Variants in EFCAB5 observed in about 807,000 individuals in gnomAD.
EFCAB5 encodes the protein EF-hand calcium-binding domain-containing protein 5.
EFCAB5 carries 131 observed loss-of-function variants against 167.9 expected under a neutral mutation model. That is an observed-to-expected ratio of 0.78 (90% CI 0.68 to 0.90). EFCAB5 has a LOEUF of 0.90. Among genes scored for constraint, EFCAB5 ranks in the 40% least tolerant of loss-of-function variants. EFCAB5 has a pLI of 0.00. For missense variants in EFCAB5, 1,663 were observed against 1,745.2 expected (o/e 0.95, Z 0.84); for synonymous variants, 574 against 602.8 (o/e 0.95, Z 0.70).
Position 29,969,174 on chromosome 17 carries a change from C to G in EFCAB5, c.574C>G (p.Gln192Glu). Residue 192 changes from glutamine (Q) to glutamate (E), a missense_variant, in exon 4 of 23, where the codon CAA becomes GAA. By Grantham distance (29) the Gln-to-Glu change is conservative (BLOSUM62 2). Transcript: ENST00000394835. ...TCCTGGAGTAGAAAACATGTTAACT[C>G]AAGTAGAAAAGAAGAAGGTTTTGAC... Reference protein sequence around the residue: ...LVPGVENMLTQVEKKKVLTEA... With the variant: ...LVPGVENMLTEVEKKKVLTEA... 1.2e-6 allele frequency: 2 copies of G among 1,613,534 alleles called. No individual in the cohort carries two copies. Among genetic ancestry groups the G allele is most frequent in the Non-Finnish European group, 1.7e-6 (2 of 1,179,816 alleles).
intron 7 of EFCAB5, among the ~76,000 whole-genome samples, chr17:30,026,634 T>C (rs1363111231): frequency 6.6e-6 from 1 of 152,194 alleles, no homozygotes; most frequent in African/African-American, 2.4e-5. Flanking sequence ...TTCCTCTCAT[T>C]TTATTGTTCT....
rs1028412162 is a variant in EFCAB5 at position 30,025,057 on chromosome 17, G to T, written c.1045-9173G>T. On this transcript the variant is annotated intron_variant, in intron 7 of 22. Coordinates refer to ENST00000394835, the MANE Select transcript of EFCAB5 (RefSeq NM_198529.4). The stretch of plus-strand genomic sequence containing the variant: ...TTCAAGACGGATTAAAGACTTAAAC[G>T]TTAGACCTAAAACCATAAAAACCCT... Among the ~76,000 whole-genome samples, 157 of 152,074 alleles carry T rather than the reference G, an allele frequency of 1.0e-3. 3 individuals are homozygous for T. In the East Asian group the frequency reaches 0.026, roughly 25 times the overall value.
chr17:30,084,330 C>T (rs2071045067), intron 18 of EFCAB5, among the ~76,000 whole-genome samples: 1 of 152,096 alleles, frequency 6.6e-6, no homozygotes, highest in Admixed American at 6.5e-5. Flanking sequence ...CCCTTCAAAG[C>T]ACATGGGGCC....
At chr17:29,941,182 T>C (rs2067293405), upstream of EFCAB5, among the ~76,000 whole-genome samples, 1 of 152,160 alleles carries the variant, frequency 6.6e-6, no homozygotes, top group Non-Finnish European at 1.5e-5. Flanking sequence ...AGCTCATATA[T>C]ATACAAACTC....
chr17:30,020,944 A>G (rs1373654133), intron 7 of EFCAB5, among the ~76,000 whole-genome samples: 1 of 151,526 alleles, frequency 6.6e-6, no homozygotes, highest in African/African-American at 2.4e-5. Context: ...AAATTATTGT[A>G]TCAGCATGTC....
rs926312122 is a variant in EFCAB5, at chr17:30,006,483, A to AT, written c.1044+6513dup. 8.5e-5 allele frequency among the ~76,000 whole-genome samples: 13 copies of AT among 152,258 alleles called. No homozygotes were observed. In the South Asian group the frequency reaches 1.7e-3, roughly 19 times the overall value. On this transcript the variant is annotated intron_variant, in intron 7 of 22. Coordinates refer to ENST00000394835, the MANE Select transcript of EFCAB5 (RefSeq NM_198529.4). ...TAATAGAAGGTGAGAATCTAACTTA[A>AT]TTTTTTCCCCCTAAAATGGCTAGCA... is the stretch of plus-strand genomic sequence containing the variant.
intron 2 of EFCAB5, among the ~76,000 whole-genome samples, 169 bp downstream of exon 2, chr17:29,942,471 C>T (rs1008091986): frequency 1.3e-5 from 2 of 152,096 alleles, no homozygotes; most frequent in Non-Finnish European, 2.9e-5. Context: ...GAGTAAGTTG[C>T]AGGAAACTTC....
At chr17:29,953,685 C>G (rs2067556605) in intron 3 of EFCAB5, among the ~76,000 whole-genome samples, 1 of 152,218 alleles carries the variant, frequency 6.6e-6, no homozygotes. Flanking sequence ...CAGACTAATA[C>G]AGTAAATTGG....
At chr17:29,944,617 G>GTTTT (rs1223652580) in intron 3 of EFCAB5, among the ~76,000 whole-genome samples, 4 of 139,458 alleles carry the variant, frequency 2.9e-5, no homozygotes, top group African/African-American at 8.2e-5. Flanking sequence ...GTTGTTTTCT[G>GTTTT]TTTTGTTTTG....
chr17:30,029,089 A>G (rs987122344), intron 7 of EFCAB5, among the ~76,000 whole-genome samples: 2 of 152,150 alleles, frequency 1.3e-5, no homozygotes, highest in African/African-American at 4.8e-5. Flanking sequence ...CATTTTTATT[A>G]TTACTAGATA....
intron 3 of EFCAB5, among the ~76,000 whole-genome samples, chr17:29,947,074 T>A: frequency 6.6e-6 from 1 of 150,816 alleles, no homozygotes; most frequent in East Asian, 2.0e-4. Flanking sequence ...CTTGGGAGGC[T>A]GAGGCAGGAG....
intron 2 of EFCAB5, 34 bp from the exon 3 acceptor site, chr17:29,943,531 A>T: frequency 6.6e-7 from 1 of 1,517,288 alleles, no homozygotes; most frequent in Non-Finnish European, 8.9e-7. Context: ...ATCAAGTCAC[A>T]TTGAAATTGG....
chr17:30,082,919 A>G lies in EFCAB5; in HGVS notation c.3455A>G (p.Tyr1152Cys), dbSNP rs1597784424. The G allele has an allele frequency of 1.2e-6, 2 of 1,613,926 alleles. No homozygotes were observed. The highest frequency in any genetic ancestry group is 8.5e-7 in the Non-Finnish European group (1 of 1,179,860). The change falls in exon 18 of 23, where the codon TAT becomes TGT. Residue 1152 changes from tyrosine to cysteine, a missense_variant. By Grantham distance (194) the Tyr-to-Cys change is radical. Transcript: ENST00000394835. ...QGVANVFSTA[Y>C]HYVHSREHIL... is the part of the protein sequence containing the mutation. ...GTTGCTAATGTCTTTAGCACTGCCT[A>G]TCACTACGTCCACAGCCGGGAGCAC...
chr17:30,083,258 C>T lies in EFCAB5; in HGVS notation c.3579+215C>T, dbSNP rs144579077. Reference sequence around the variant, plus strand: ...CTGACTCACGTGACCAAAATGAAGACAGGGCAGGAGTCAAGCTATCTTTCA... The same window carrying T: ...CTGACTCACGTGACCAAAATGAAGATAGGGCAGGAGTCAAGCTATCTTTCA... On this transcript the variant is annotated intron_variant, in intron 18 of 22. Transcript: ENST00000394835. 5.9e-3 allele frequency among the ~76,000 whole-genome samples: 893 copies of T among 152,294 alleles called. 26 individuals are homozygous for T. Among genetic ancestry groups the T allele is most frequent in the Admixed American group, 0.045 (684 of 15,302 alleles).
chr17:29,959,341 T>C (rs1305252750), intron 3 of EFCAB5, among the ~76,000 whole-genome samples: 1 of 152,058 alleles, frequency 6.6e-6, no homozygotes, highest in African/African-American at 2.4e-5. Flanking sequence ...TACTGTAGCT[T>C]AGCAGGCACC....
In EFCAB5 at chr17:29,993,195, G is replaced by C. The variant is rs2151636134; in HGVS notation, c.798G>C (p.Gln266His). 1 of 1,612,594 alleles carries C rather than the reference G, an allele frequency of 6.2e-7. No individual in the cohort carries two copies. The change falls in exon 5 of 23, where the codon CAG becomes CAC. Residue 266 changes from glutamine to histidine, a missense_variant. Coordinates refer to ENST00000394835, the MANE Select transcript of EFCAB5 (RefSeq NM_198529.4). ...CCAAGATGAAGGAGAATGTTAAACA[G>C]AATAGAAAACAAAGAGAAAGCATAG... ...RVSKMKENVK[Q>H]NRKQRESIDK...
intron 14 of EFCAB5, among the ~76,000 whole-genome samples, chr17:30,064,836 A>T (rs925056690): frequency 2.0e-5 from 3 of 152,252 alleles, no homozygotes; most frequent in Non-Finnish European, 2.9e-5. Flanking sequence ...TTAGACTAAC[A>T]GTGGAGTCCC....
intron 8 of EFCAB5, among the ~76,000 whole-genome samples, chr17:30,050,040 A>G (rs1476395039): frequency 6.6e-6 from 1 of 152,228 alleles, no homozygotes; most frequent in Non-Finnish European, 1.5e-5. Flanking sequence ...GTTAAAAAGT[A>G]TAAAATATAT....
intron 4 of EFCAB5, among the ~76,000 whole-genome samples, chr17:29,978,765 A>G (rs750063561): frequency 1.3e-4 from 20 of 152,244 alleles, no homozygotes; most frequent in Non-Finnish European, 2.6e-4. Flanking sequence ...GATTTTCCGT[A>G]TAATTCCATT....
Sources: gnomAD v4.1 joint callset for allele counts (sites outside exome capture counted in the v4.1 genomes callset) on GRCh38, gnomAD v4.1.1 for gene constraint, MANE v1.5 for transcripts, NCBI Gene and HGNC (gene_info 2026-07-23, HGNC 2026-07-21) for gene names.